The following ZRANB3 variants were observed in gnomAD, a reference collection of about 807,000 sequenced individuals.
The protein encoded by ZRANB3 is DNA annealing helicase and endonuclease ZRANB3.
In ZRANB3, 125 loss-of-function variants were observed where a neutral mutation model predicts 133.8. The observed-to-expected ratio is 0.93, with a 90% CI of 0.81 to 1.08. The LOEUF is 1.08. Among genes scored for constraint, ZRANB3 ranks in the 50% least tolerant of loss-of-function variants. The pLI is 0.00. For synonymous variants in ZRANB3, 387 were observed against 432.7 expected (o/e 0.89, Z 1.31); for missense variants, 1,229 against 1,275.5 (o/e 0.96, Z 0.56).
intron 12 of ZRANB3, among the ~76,000 whole-genome samples, chr2:135,231,763 A>G (rs79705787): frequency 0.088 from 13,423 of 151,852 alleles, 798 homozygotes; most frequent in South Asian, 0.24. Flanking sequence ...ACTTCAGCTG[A>G]GGCAAAGGAG....
intron 2 of ZRANB3, among the ~76,000 whole-genome samples, chr2:135,402,063 A>G (rs912122233): frequency 6.6e-6 from 1 of 151,876 alleles, no homozygotes; most frequent in African/African-American, 2.4e-5. Context: ...TAAAAGCTAT[A>G]AGTATATGAA....
intron 19 of ZRANB3, among the ~76,000 whole-genome samples, chr2:135,207,051 G>A (rs1693893863): frequency 2.0e-5 from 3 of 151,988 alleles, no homozygotes; most frequent in African/African-American, 7.2e-5. Flanking sequence ...TGTAATTCCA[G>A]CTACCCAGGA....
chr2:135,528,900 A>T (rs951342582), intron 1 of ZRANB3, among the ~76,000 whole-genome samples: 7 of 152,228 alleles, frequency 4.6e-5, no homozygotes, highest in Non-Finnish European at 7.3e-5. Context: ...AAAGAGGAAA[A>T]CGTGCTTATT....
intron 3 of ZRANB3, among the ~76,000 whole-genome samples, chr2:135,360,700 G>A (rs1163866776): frequency 5.3e-5 from 8 of 152,136 alleles, no homozygotes; most frequent in East Asian, 3.9e-4. Flanking sequence ...GTGAGACTCC[G>A]TCTCAAAAAA....
chr2:135,474,288 T>A (rs1238700932), intron 2 of ZRANB3, among the ~76,000 whole-genome samples: 1 of 152,168 alleles, frequency 6.6e-6, no homozygotes, highest in Non-Finnish European at 1.5e-5. Flanking sequence ...ATAAATTCAT[T>A]GGATTCTGCC....
chr2:135,319,222 AC>A (rs531051619), intron 6 of ZRANB3, among the ~76,000 whole-genome samples: 1 of 152,084 alleles, frequency 6.6e-6, no homozygotes, highest in Admixed American at 6.6e-5. Flanking sequence ...AATGAAAAAA[AC>A]ACAAGTTACA....
In ZRANB3 at chr2:135,504,469, TA is replaced by T. The variant is rs1409686769; in HGVS notation, c.20del (p.Ile7LysfsTer12). On this transcript the variant is annotated frameshift_variant, in exon 2 of 21. Coordinates refer to ENST00000264159, the MANE Select transcript of ZRANB3 (RefSeq NM_032143.4). LOFTEE classifies it high-confidence loss of function. MPRVHN[I>X]KKSLTPHISC... ...AAATGTGAGGTGTAAGAGACTTTTT[TA>T]TGTTATGAACCCTAGGCATGATGAT... 6.2e-7 allele frequency: 1 copy of T among 1,613,042 alleles called. No individual in the cohort carries two copies. Among genetic ancestry groups the T allele is most frequent in the African/African-American group, 1.3e-5 (1 of 74,866 alleles).
At chr2:135,490,718 A>G (rs569251662) in intron 2 of ZRANB3, among the ~76,000 whole-genome samples, 1 of 152,214 alleles carries the variant, frequency 6.6e-6, no homozygotes, top group Non-Finnish European at 1.5e-5. Context: ...CTCAATAGCC[A>G]AAATGTGTAA....
chr2:135,364,910 G>A (rs1322326080), intron 3 of ZRANB3, among the ~76,000 whole-genome samples: 10 of 152,128 alleles, frequency 6.6e-5, no homozygotes, highest in Admixed American at 1.3e-4. Context: ...TTAGCCGGGC[G>A]TGGTGGCACA....
chr2:135,527,124 C>T (rs1261476871), intron 1 of ZRANB3, among the ~76,000 whole-genome samples: 1 of 152,200 alleles, frequency 6.6e-6, no homozygotes, highest in Non-Finnish European at 1.5e-5. Context: ...CTCCCGAGGG[C>T]TGTGTCATGG....
chr2:135,239,301 G>A (rs1178541945), intron 12 of ZRANB3, among the ~76,000 whole-genome samples: 2 of 151,914 alleles, frequency 1.3e-5, no homozygotes, highest in East Asian at 3.9e-4. Context: ...TGGGGTAATG[G>A]AAAATTTTTG....
At chr2:135,382,218 C>T (rs957848987) in intron 3 of ZRANB3, among the ~76,000 whole-genome samples, 12 of 152,086 alleles carry the variant, frequency 7.9e-5, no homozygotes, top group South Asian at 4.2e-4. Context: ...TTAGCCGATT[C>T]GATCAACTGG....
chr2:135,503,241 G>C (rs1221503596), intron 2 of ZRANB3, among the ~76,000 whole-genome samples: 2 of 152,190 alleles, frequency 1.3e-5, no homozygotes. Flanking sequence ...ATATGGGAAA[G>C]TATAATGATG....
chr2:135,236,294 C>G (rs538957793), intron 12 of ZRANB3, among the ~76,000 whole-genome samples: 2 of 151,956 alleles, frequency 1.3e-5, no homozygotes, highest in East Asian at 1.9e-4. Context: ...AAAGAGGATA[C>G]AAACAAATGG....
chr2:135,508,414 G>T (rs565663566), intron 1 of ZRANB3, among the ~76,000 whole-genome samples: 105 of 152,234 alleles, frequency 6.9e-4, no homozygotes, highest in Admixed American at 3.7e-3. Context: ...TGGGATTACA[G>T]GCGTGAGCCA....
intron 3 of ZRANB3, among the ~76,000 whole-genome samples, chr2:135,374,296 C>T (rs1686319620): frequency 6.6e-6 from 1 of 152,042 alleles, no homozygotes; most frequent in South Asian, 2.1e-4. Flanking sequence ...ATCCCAGCTA[C>T]TCAGGAGACT....
intron 2 of ZRANB3, among the ~76,000 whole-genome samples, chr2:135,428,148 G>T (rs1440158459): frequency 6.6e-6 from 1 of 152,130 alleles, no homozygotes; most frequent in African/African-American, 2.4e-5. Context: ...CCATGGCAAA[G>T]ATTTCATGAT....
At chr2:135,471,104 CTT>C (rs11443441) in intron 2 of ZRANB3, among the ~76,000 whole-genome samples, 4 of 142,904 alleles carry the variant, frequency 2.8e-5, no homozygotes, top group Admixed American at 7.0e-5. Flanking sequence ...CCCGGCCTCA[CTT>C]TTTTTTTTTT....
chr2:135,512,453 A>C (rs957854501), intron 1 of ZRANB3, among the ~76,000 whole-genome samples: 2 of 151,972 alleles, frequency 1.3e-5, no homozygotes, highest in Non-Finnish European at 2.9e-5. Flanking sequence ...TTTAATTAAG[A>C]ATGTATTGGA....
Sources: gnomAD v4.1 joint callset for allele counts (sites outside exome capture counted in the v4.1 genomes callset) on GRCh38, gnomAD v4.1.1 for gene constraint, MANE v1.5 for transcripts, NCBI Gene and HGNC (gene_info 2026-07-23, HGNC 2026-07-21) for gene names.